The following BBX variants were observed in gnomAD, a reference collection of about 807,000 sequenced individuals.
The protein encoded by BBX is HMG box transcription factor BBX.
In BBX, 30 loss-of-function variants were observed where a neutral mutation model predicts 100.2. The observed-to-expected ratio is 0.30, with a 90% CI of 0.22 to 0.41. The LOEUF (loss-of-function observed/expected upper bound fraction) is 0.41, where lower values mean the gene tolerates loss of function less well. BBX is among the 10% of genes least tolerant of loss of function. The pLI is 1.00. For missense variants in BBX, 1,023 were observed against 1,129.8 expected, an observed-to-expected ratio of 0.91 and a Z score of 1.35; for synonymous variants, 376 against 388.1, an observed-to-expected ratio of 0.97 and a Z score of 0.37.
At chr3:107,737,453 T>G (rs2063714644) in intron 7 of BBX, among the ~76,000 whole-genome samples, 1 of 152,040 alleles carries the variant, frequency 6.6e-6, no homozygotes, top group African/African-American at 2.4e-5. Context: ...AAGTCCAAAG[T>G]CAGCAGAGTA....
At chr3:107,755,464 A>C in intron 9 of BBX, 134 bp from the exon 10 acceptor site, 1 of 679,126 alleles carries the variant, frequency 1.5e-6, no homozygotes, top group Non-Finnish European at 2.5e-6. Flanking sequence ...CCCAAATGTG[A>C]CATGTTTTGT....
chr3:107,793,048 C>T (rs1169553234), intron 15 of BBX, among the ~76,000 whole-genome samples: 1 of 152,154 alleles, frequency 6.6e-6, no homozygotes, highest in African/African-American at 2.4e-5. Context: ...TTACTCTCCA[C>T]ATTGGTATTA....
chr3:107,696,118 A>G (rs1010728298), intron 3 of BBX, among the ~76,000 whole-genome samples: 5 of 151,706 alleles, frequency 3.3e-5, no homozygotes, highest in Non-Finnish European at 5.9e-5. Flanking sequence ...TTTCCTGAAT[A>G]TAGCACACTG....
At chr3:107,766,078 C>T (rs1421725634) in intron 10 of BBX, among the ~76,000 whole-genome samples, 2 of 152,018 alleles carry the variant, frequency 1.3e-5, no homozygotes, top group East Asian at 1.9e-4. Context: ...AAAAGTCAAA[C>T]GTATACTTTT....
At chr3:107,751,534 A>C (rs1036342047) in intron 9 of BBX, among the ~76,000 whole-genome samples, 1 of 151,780 alleles carries the variant, frequency 6.6e-6, no homozygotes, top group Non-Finnish European at 1.5e-5. Flanking sequence ...GTTTGTTTTG[A>C]TTTTTTTTCA....
intron 10 of BBX, among the ~76,000 whole-genome samples, chr3:107,764,984 A>C (rs2066262598): frequency 6.6e-6 from 1 of 152,188 alleles, no homozygotes; most frequent in South Asian, 2.1e-4. Flanking sequence ...GCTTTCCTAC[A>C]TGTTTCTTAG....
At chr3:107,760,085 C>A (rs2065777362) in intron 10 of BBX, among the ~76,000 whole-genome samples, 1 of 152,156 alleles carries the variant, frequency 6.6e-6, no homozygotes, top group African/African-American at 2.4e-5. Context: ...CATTAGGAAA[C>A]CAAAAGCTAT....
intron 2 of BBX, among the ~76,000 whole-genome samples, chr3:107,588,050 A>T (rs985297797): frequency 2.6e-4 from 40 of 152,046 alleles, no homozygotes; most frequent in Non-Finnish European, 1.3e-4. Flanking sequence ...GTATTTTTTT[A>T]CCTGTTTGTT....
intron 5 of BBX, among the ~76,000 whole-genome samples, chr3:107,717,072 A>G (rs1341307821): frequency 6.6e-6 from 1 of 152,176 alleles, no homozygotes; most frequent in Non-Finnish European, 1.5e-5. Context: ...CAATATATTA[A>G]CAAAAAGTTT....
At chr3:107,734,534 A>G (rs987018512) in intron 7 of BBX, among the ~76,000 whole-genome samples, 1 of 152,212 alleles carries the variant, frequency 6.6e-6, no homozygotes, top group Non-Finnish European at 1.5e-5. Context: ...TGAATGTTGG[A>G]CTAATAATAT....
chr3:107,806,975 G>A lies in BBX; in HGVS notation c.*1518G>A, dbSNP rs1297546095. 5 of 152,132 alleles carry A rather than the reference G, an allele frequency of 3.3e-5. No homozygotes were observed. Among genetic ancestry groups the A allele is most frequent in the Non-Finnish European group, 7.3e-5 (5 of 68,032 alleles). The allele number at this position is 152,132 out of a possible 1,614,324, so 9.4% of individuals were successfully genotyped here. ...AAGCTTTTGAATTAGATCTCTAAAT[G>A]GTGACAGTTTACATGGTTTTATCTA... is the stretch of plus-strand genomic sequence containing the variant. On this transcript the variant is annotated 3_prime_UTR_variant, in exon 18 of 18. Coordinates refer to ENST00000325805, the MANE Select transcript of BBX (RefSeq NM_001142568.3).
intron 3 of BBX, among the ~76,000 whole-genome samples, chr3:107,655,511 ATTTTTTTT>A (rs35368803): frequency 3.4e-5 from 4 of 117,588 alleles, no homozygotes; most frequent in African/African-American, 9.7e-5. Context: ...ATGATAATTA[ATTTTTTTT>A]TTTTTTTTTT....
Position 107,777,969 on chromosome 3 carries a change from TATATC to T in BBX, c.2055-397_2055-393del, listed in dbSNP as rs1352611648. ...TTAATAAGATTGATATTGATACCAATATATCATATGGTAATTTAATAAGCTTGCCA... is the reference window on the plus strand; with the variant it reads ...TTAATAAGATTGATATTGATACCAATATATGGTAATTTAATAAGCTTGCCA... On this transcript the variant is annotated intron_variant, in intron 12 of 17. Transcript: ENST00000325805. Among the ~76,000 whole-genome samples, 5 of 152,220 alleles carry T rather than the reference TATATC, an allele frequency of 3.3e-5. No homozygotes were observed. In the East Asian group the frequency reaches 5.8e-4, roughly 18 times the overall value.
intron 2 of BBX, among the ~76,000 whole-genome samples, chr3:107,576,011 G>A (rs2051746208): frequency 6.6e-6 from 1 of 152,154 alleles, no homozygotes; most frequent in South Asian, 2.1e-4. Flanking sequence ...CTTCCAGCTT[G>A]GGTGACACAG....
chr3:107,631,456 A>G (rs932384327), intron 2 of BBX, among the ~76,000 whole-genome samples: 7 of 152,190 alleles, frequency 4.6e-5, no homozygotes, highest in Admixed American at 3.9e-4. Flanking sequence ...AGAAGACTTT[A>G]ACCAAACATT....
At chr3:107,699,211 C>A (rs1274310662) in intron 3 of BBX, among the ~76,000 whole-genome samples, 1 of 151,728 alleles carries the variant, frequency 6.6e-6, no homozygotes, top group African/African-American at 2.4e-5. Flanking sequence ...CTTGAAAGGA[C>A]CAGAAGTGGC....
At chr3:107,571,788 A>C (rs1386729643) in intron 2 of BBX, among the ~76,000 whole-genome samples, 1 of 152,244 alleles carries the variant, frequency 6.6e-6, no homozygotes. Context: ...ACCTGGGTGC[A>C]GGCGGGCTGA....
At chr3:107,634,114 C>T (rs986462434) in intron 2 of BBX, among the ~76,000 whole-genome samples, 1 of 152,168 alleles carries the variant, frequency 6.6e-6, no homozygotes, top group Non-Finnish European at 1.5e-5. Flanking sequence ...CCACTTGATG[C>T]TACTAAGTTT....
At chr3:107,774,578 C>T (rs1443946918) in intron 11 of BBX, 141 bp from the exon 12 acceptor site, 3 of 850,018 alleles carry the variant, frequency 3.5e-6, no homozygotes, top group South Asian at 4.0e-5. Context: ...GCATGAATCA[C>T]TCTGAGAACT....
Sources: gnomAD v4.1 joint callset for allele counts (sites outside exome capture counted in the v4.1 genomes callset) on GRCh38, gnomAD v4.1.1 for gene constraint, MANE v1.5 for transcripts, NCBI Gene and HGNC (gene_info 2026-07-23, HGNC 2026-07-21) for gene names.